The following DMD variants were observed in gnomAD, a reference collection of about 807,000 sequenced individuals.
The protein encoded by DMD is mutant dystrophin.
DMD carries 63 observed loss-of-function variants against 330.1 expected under a neutral mutation model. The observed-to-expected ratio is 0.19, with a 90% CI of 0.16 to 0.24. The LOEUF is 0.24. Among genes scored for constraint, DMD ranks in the 10% least tolerant of loss-of-function variants. The pLI is 1.00. For synonymous variants in DMD, 1,223 were observed against 959.8 expected (o/e 1.27, Z -5.07); for missense variants, 3,344 against 2,684.1 (o/e 1.25, Z -5.43).
chrX:32,193,286 A>C (rs1407560882), intron 44 of DMD, among the ~76,000 whole-genome samples: 1 of 112,277 alleles, frequency 8.9e-6, no homozygotes, highest in Admixed American at 9.5e-5. Flanking sequence ...ATGCAAGAAA[A>C]GATTAATATA....
intron 22 of DMD, among the ~76,000 whole-genome samples, chrX:32,471,372 T>C (rs185953253): frequency 6.2e-5 from 7 of 112,249 alleles, no homozygotes; most frequent in Middle Eastern, 4.6e-3. Flanking sequence ...TAGAAGGATG[T>C]TAAAAAAATG....
intron 49 of DMD, among the ~76,000 whole-genome samples, chrX:31,825,674 T>TC (rs2092878437): frequency 9.0e-6 from 1 of 111,016 alleles, no homozygotes; most frequent in Non-Finnish European, 1.9e-5. Flanking sequence ...GCTTTGAATT[T>TC]CATGTTCCTC....
intron 44 of DMD, among the ~76,000 whole-genome samples, chrX:32,116,899 C>T (rs1312005530): frequency 1.8e-5 from 2 of 111,968 alleles, no homozygotes; most frequent in South Asian, 3.7e-4. Context: ...CAAATTCTAA[C>T]TTCATTGAGC....
At chrX:32,986,788 CAT>C (rs60428785) in intron 2 of DMD, among the ~76,000 whole-genome samples, 8,578 of 112,132 alleles carry the variant, frequency 0.076, 289 homozygotes, top group Middle Eastern at 0.14. Flanking sequence ...AAAATACACA[CAT>C]GTGTTGTTTA....
intron 7 of DMD, among the ~76,000 whole-genome samples, chrX:32,745,946 T>C (rs1314238818): frequency 8.9e-6 from 1 of 112,068 alleles, no homozygotes; most frequent in Non-Finnish European, 1.9e-5. Context: ...AGAGTAAAAA[T>C]AAAGAATAAA....
intron 1 of DMD, among the ~76,000 whole-genome samples, chrX:33,280,972 A>G (rs969170722): frequency 3.6e-5 from 4 of 112,016 alleles, no homozygotes; most frequent in Non-Finnish European, 7.5e-5. Context: ...GTAAGTTCAA[A>G]AACATTGCTA....
chrX:32,298,556 G>A (rs2097507290), intron 42 of DMD, among the ~76,000 whole-genome samples: 1 of 106,487 alleles, frequency 9.4e-6, no homozygotes, highest in African/African-American at 3.8e-5. Context: ...ATCTTGACTA[G>A]AGATATAAAT....
Position 32,438,263 on chromosome X carries a change from C to T in DMD, c.4049G>A (p.Arg1350His), listed in dbSNP as rs750981128. Residue 1350 changes from arginine to histidine, a missense_variant, in exon 29 of 79, where the codon CGT becomes CAT. Physicochemically the swap from Arg to His is conservative, Grantham distance 29. Coordinates refer to ENST00000357033, the MANE Select transcript of DMD (RefSeq NM_004006.3). ...INEELETFNS[R>H]WRELHEEAVR... ...TACCTCTTCATGTAGTTCCCTCCAA[C>T]GAGAATTAAATGTCTCAAGTTCCTC... The T allele has an allele frequency of 3.4e-5, 41 of 1,209,514 alleles. No individual in the cohort carries two copies. Among genetic ancestry groups the T allele is most frequent in the Admixed American group, 4.4e-5 (2 of 45,683 alleles).
chrX:32,477,834 A>C (rs2041399663), intron 21 of DMD, among the ~76,000 whole-genome samples: 1 of 111,418 alleles, frequency 9.0e-6, no homozygotes, highest in African/African-American at 3.3e-5. Context: ...TGTGCCAACC[A>C]ATAAGGTAGC....
At chrX:31,496,190 G>T (rs1040614104) in intron 57 of DMD, among the ~76,000 whole-genome samples, 10 of 112,084 alleles carry the variant, frequency 8.9e-5, no homozygotes, top group African/African-American at 3.2e-4. Flanking sequence ...AAAGTAAGGT[G>T]TGGGTCTGAT....
intron 43 of DMD, among the ~76,000 whole-genome samples, chrX:32,260,888 G>GTT (rs1325195947): frequency 4.5e-5 from 5 of 111,852 alleles, no homozygotes; most frequent in Admixed American, 1.9e-4. Flanking sequence ...GAGAAAATAA[G>GTT]TACATTTTGC....
At chrX:31,943,929 A>AGAGAGAGAG (rs2095046713) in intron 45 of DMD, among the ~76,000 whole-genome samples, 2 of 69,279 alleles carry the variant, frequency 2.9e-5, no homozygotes, top group South Asian at 7.3e-4. Flanking sequence ...GAGAGAGAGA[A>AGAGAGAGAG]AAGGGAACAT....
At chrX:31,659,117 C>CA (rs2080962363) in intron 53 of DMD, among the ~76,000 whole-genome samples, 1 of 111,313 alleles carries the variant, frequency 9.0e-6, no homozygotes, top group African/African-American at 3.3e-5. Context: ...ATTAAATTAA[C>CA]AAAAAATAAA....
chrX:31,389,160 T>C (rs2060587920), intron 60 of DMD, among the ~76,000 whole-genome samples: 1 of 112,279 alleles, frequency 8.9e-6, no homozygotes, highest in Admixed American at 9.5e-5. Context: ...AGCTGACTTA[T>C]TCATTATCTT....
Position 33,273,901 on chromosome X carries a change from C to A in DMD, c.7+65358G>T, listed in dbSNP as rs780498939. Among the ~76,000 whole-genome samples, 5 of 112,040 alleles carry A rather than the reference C, an allele frequency of 4.5e-5. No individual in the cohort carries two copies. In the South Asian group the frequency reaches 1.8e-3, roughly 41 times the overall value. On this transcript the variant is annotated intron_variant, in intron 1 of 17. Transcript: ENST00000288447. ...AAAAGCAATATAATAAGAAATATTG[C>A]CTCACAATACCACAGCTCTGTCCAT...
chrX:32,783,148 CCA>C (rs1293422750), intron 7 of DMD, among the ~76,000 whole-genome samples: 1 of 93,984 alleles, frequency 1.1e-5, no homozygotes, highest in East Asian at 3.3e-4. Flanking sequence ...TATATATATA[CCA>C]TATATATAGA....
intron 41 of DMD, 120 bp downstream of exon 41, chrX:32,341,980 T>C: frequency 1.3e-6 from 1 of 741,451 alleles, no homozygotes; most frequent in East Asian, 3.6e-5. Context: ...ACTTTCAGAA[T>C]GTACATTAGA....
intron 74 of DMD, among the ~76,000 whole-genome samples, chrX:31,152,184 C>CT (rs1161340463): frequency 0.012 from 1,192 of 98,333 alleles, 18 homozygotes; most frequent in South Asian, 0.026. Context: ...CTTTAAGCAT[C>CT]TTTTTTTTTT....
At chrX:32,997,453 T>G (rs1396516915) in intron 2 of DMD, among the ~76,000 whole-genome samples, 5 of 110,980 alleles carry the variant, frequency 4.5e-5, no homozygotes, top group Non-Finnish European at 9.5e-5. Context: ...ACCATGTTGG[T>G]CAGGCTGGTC....
Sources: gnomAD v4.1 joint callset for allele counts (sites outside exome capture counted in the v4.1 genomes callset) on GRCh38, gnomAD v4.1.1 for gene constraint, MANE v1.5 for transcripts, NCBI Gene and HGNC (gene_info 2026-07-23, HGNC 2026-07-21) for gene names.